The following INPP5F variants were observed in gnomAD, a reference collection of about 807,000 sequenced individuals.
INPP5F encodes the protein inositol polyphosphate-5-phosphatase F, also known as phosphatidylinositide 4-phosphatase SAC2.
A neutral mutation model predicts 137.2 loss-of-function variants in INPP5F; 97 were observed. That is an observed-to-expected ratio of 0.71 (90% CI 0.60 to 0.84). The LOEUF (loss-of-function observed/expected upper bound fraction) is 0.84. Ranked by LOEUF, INPP5F falls within the 40% of genes least tolerant of loss-of-function variation. The probability of loss-of-function intolerance (pLI) is 0.00; values close to 1 mark genes in which losing one functional copy is unlikely to be tolerated. For missense variants in INPP5F, 1,271 were observed against 1,371.9 expected, an observed-to-expected ratio of 0.93 and a Z score of 1.16; for synonymous variants, 504 against 476.9, an observed-to-expected ratio of 1.06 and a Z score of -0.74.
At chr10:119,732,288 C>G (rs369389894) in intron 1 of INPP5F, among the ~76,000 whole-genome samples, 1 of 151,956 alleles carries the variant, frequency 6.6e-6, no homozygotes, top group East Asian at 1.9e-4. Flanking sequence ...CTGCCTGCCT[C>G]AGCCTCCCAA....
At chr10:119,767,897 TAAAA>T (rs966705539) in intron 2 of INPP5F, among the ~76,000 whole-genome samples, 3 of 152,218 alleles carry the variant, frequency 2.0e-5, no homozygotes, top group Non-Finnish European at 2.9e-5. Flanking sequence ...TAAATATATA[TAAAA>T]AGCAACGAGT....
At chr10:119,786,842 G>GA (rs1046575416) in intron 3 of INPP5F, among the ~76,000 whole-genome samples, 2 of 151,952 alleles carry the variant, frequency 1.3e-5, no homozygotes, top group Admixed American at 6.6e-5. Context: ...TTTTTATTTA[G>GA]AAAAAATCAC....
chr10:119,763,748 C>T (rs922284094), intron 2 of INPP5F, among the ~76,000 whole-genome samples: 2 of 152,070 alleles, frequency 1.3e-5, no homozygotes, highest in African/African-American at 2.4e-5. Flanking sequence ...TTCATTTTTG[C>T]TTAACAACTC....
Position 119,827,059 on chromosome 10 carries a change from GTAT to G in INPP5F, c.2683_2685del (p.Ile895del). On this transcript the variant is annotated inframe_deletion, in exon 20 of 20. Transcript: ENST00000650623. ...ATAGATTACGTTCTTCCTAGTTGTGGTATTATTGCCTCAGCGCCTCGATTGGGC... is the reference window on the plus strand; with the variant it reads ...ATAGATTACGTTCTTCCTAGTTGTGGTATTGCCTCAGCGCCTCGATTGGGC... 1.9e-6 allele frequency: 3 copies of G among 1,614,134 alleles called. No homozygotes were observed. Among genetic ancestry groups the G allele is most frequent in the Non-Finnish European group, 1.7e-6 (2 of 1,180,010 alleles).
intron 16 of INPP5F, among the ~76,000 whole-genome samples, chr10:119,822,040 G>T (rs770772612): frequency 5.9e-5 from 9 of 151,752 alleles, no homozygotes; most frequent in Non-Finnish European, 1.2e-4. Flanking sequence ...ACAGGCGCCT[G>T]CCACGACGCC....
In INPP5F at chr10:119,781,619, G is replaced by T; in HGVS notation, c.179-16G>T. ...CTCTAAAAACGCCAGACTTTATTAT[G>T]ACTCTCCTCTTTCAGATCTTCCATG... On this transcript the variant is annotated splice_polypyrimidine_tract_variant and intron_variant, in intron 2 of 19. Coordinates refer to ENST00000650623, the MANE Select transcript of INPP5F (RefSeq NM_014937.4). 1 of 1,594,638 alleles carries T rather than the reference G, an allele frequency of 6.3e-7. No homozygotes were observed. The highest frequency in any genetic ancestry group is 1.1e-5 in the South Asian group (1 of 87,360).
intron 1 of INPP5F, among the ~76,000 whole-genome samples, chr10:119,729,246 A>G (rs1847981046): frequency 6.6e-6 from 1 of 151,838 alleles, no homozygotes; most frequent in Non-Finnish European, 1.5e-5. Context: ...CCTAGGTTCA[A>G]GCGATTCTCC....
chr10:119,806,285 T>C (rs1035928812), intron 11 of INPP5F, 75 bp from the exon 12 acceptor site: 11 of 1,073,542 alleles, frequency 1.0e-5, no homozygotes, highest in South Asian at 1.9e-5. Flanking sequence ...TTTATTGATA[T>C]ACTTTAAAGA....
intron 2 of INPP5F, among the ~76,000 whole-genome samples, chr10:119,760,014 G>A (rs1289871586): frequency 6.6e-6 from 1 of 152,166 alleles, no homozygotes; most frequent in East Asian, 1.9e-4. Context: ...GATGCTTGAA[G>A]AAGTCACATG....
rs76522246 is a variant in INPP5F at position 119,784,216 on chromosome 10, A to G, written c.315+2445A>G. Among the ~76,000 whole-genome samples, 62 of 152,360 alleles carry G rather than the reference A, an allele frequency of 4.1e-4. 1 individual carries two copies. The East Asian group carries it at 0.012, about 29-fold the overall frequency. On this transcript the variant is annotated intron_variant, in intron 3 of 19. Coordinates refer to ENST00000650623, the MANE Select transcript of INPP5F (RefSeq NM_014937.4). ...CCTTTTTAAATTGTTTTTTGGTTATACAGTAAATTGTAAAAGAGAAGAAAA... is the reference window on the plus strand; with the variant it reads ...CCTTTTTAAATTGTTTTTTGGTTATGCAGTAAATTGTAAAAGAGAAGAAAA...
intron 3 of INPP5F, among the ~76,000 whole-genome samples, chr10:119,786,941 T>C (rs1199066042): frequency 1.3e-5 from 2 of 150,960 alleles, no homozygotes; most frequent in East Asian, 3.9e-4. Context: ...TCTGAACTTC[T>C]TGGGGGGCCA....
chr10:119,749,011 G>T (rs1848617863), intron 1 of INPP5F, among the ~76,000 whole-genome samples: 1 of 152,206 alleles, frequency 6.6e-6, no homozygotes, highest in Non-Finnish European at 1.5e-5. Context: ...GTCCAGAGGG[G>T]GCTGAGGCGG....
chr10:119,804,807 A>G (rs190365057), intron 10 of INPP5F, among the ~76,000 whole-genome samples: 185 of 150,668 alleles, frequency 1.2e-3, no homozygotes, highest in African/African-American at 4.4e-3. Context: ...GCTCACTGCA[A>G]CCTCCACTTT....
At chr10:119,800,085 TTATA>T (rs1740203288) in intron 9 of INPP5F, among the ~76,000 whole-genome samples, 2 of 151,510 alleles carry the variant, frequency 1.3e-5, no homozygotes, top group South Asian at 4.1e-4. Flanking sequence ...TTTATTAAAA[TTATA>T]TAGGACTTTA....
intron 10 of INPP5F, 129 bp downstream of exon 10, chr10:119,804,426 A>G: frequency 1.3e-6 from 1 of 790,314 alleles, no homozygotes; most frequent in Non-Finnish European, 1.9e-6. Context: ...GAAAAAGGGT[A>G]TCATTCATTT....
chr10:119,779,883 CTTAT>C (rs777561793), intron 2 of INPP5F, among the ~76,000 whole-genome samples: 10 of 152,060 alleles, frequency 6.6e-5, no homozygotes, highest in Non-Finnish European at 1.3e-4. Flanking sequence ...TCTTTTTACC[CTTAT>C]TTAACTTTTT....
At chr10:119,776,999 C>T (rs551498883) in intron 2 of INPP5F, among the ~76,000 whole-genome samples, 1 of 152,274 alleles carries the variant, frequency 6.6e-6, no homozygotes, top group East Asian at 1.9e-4. Flanking sequence ...GATCCACCCA[C>T]CTCAGCTTCC....
chr10:119,794,464 C>T (rs1850255560), intron 6 of INPP5F, among the ~76,000 whole-genome samples: 1 of 152,040 alleles, frequency 6.6e-6, no homozygotes, highest in African/African-American at 2.4e-5. Context: ...AATCTTTTCC[C>T]CACCTTTCCC....
At chr10:119,788,354 G>A (rs3781500) in intron 3 of INPP5F, among the ~76,000 whole-genome samples, 1 of 152,208 alleles carries the variant, frequency 6.6e-6, no homozygotes, top group South Asian at 2.1e-4. Flanking sequence ...GCATGAAGAC[G>A]GAGAAGAGAG....
Sources: allele counts gnomAD v4.1 joint callset (sites outside exome capture counted in the v4.1 genomes callset), GRCh38; gene constraint gnomAD v4.1.1; transcripts MANE v1.5; gene names NCBI Gene and HGNC (gene_info 2026-07-23, HGNC 2026-07-21).